Variants in SETBP1 observed in about 807,000 individuals in gnomAD.
SETBP1 encodes the protein SET binding protein 1, also known as SET-binding protein.
A neutral mutation model predicts 101.0 loss-of-function variants in SETBP1; 9 were observed. The observed-to-expected ratio is 0.09, with a 90% CI of 0.05 to 0.16. The LOEUF is 0.16. SETBP1 is among the 10% of genes least tolerant of loss of function. The pLI is 1.00. For synonymous variants in SETBP1, 818 were observed against 788.5 expected, an observed-to-expected ratio of 1.04 and a Z score of -0.63; for missense variants, 1,858 against 2,033.8, an observed-to-expected ratio of 0.91 and a Z score of 1.66.
At chr18:44,868,427 G>T (rs576467554) in intron 2 of SETBP1, among the ~76,000 whole-genome samples, 141 of 152,158 alleles carry the variant, frequency 9.3e-4, no homozygotes, top group Non-Finnish European at 1.6e-3. Flanking sequence ...GGGTGCAGTG[G>T]CTCACACCTG....
At chr18:44,687,238 TA>T (rs1040567202) in intron 1 of SETBP1, among the ~76,000 whole-genome samples, 12 of 152,304 alleles carry the variant, frequency 7.9e-5, no homozygotes, top group African/African-American at 2.6e-4. Flanking sequence ...TGTTGTACAG[TA>T]AAAAAGTTTG....
rs867674388 is a variant in SETBP1 at position 44,750,125 on chromosome 18, G to A, written c.486+48293G>A. 3.9e-5 allele frequency among the ~76,000 whole-genome samples: 6 copies of A among 152,206 alleles called. 1 individual carries two copies. The Middle Eastern group carries it at 0.02, about 518-fold the overall frequency. On this transcript the variant is annotated intron_variant, in intron 2 of 5. Coordinates refer to ENST00000649279, the MANE Select transcript of SETBP1 (RefSeq NM_015559.3). ...CTTCGGAGAAACTGGTTTATTGATA[G>A]GAGAAGTAAAATACTGGTGTATTAG... is the stretch of plus-strand genomic sequence containing the variant.
rs2069212866 is a variant in SETBP1, at chr18:44,869,238, A to C, written c.495A>C (p.Thr165=). The change falls in exon 3 of 6, where the codon ACA becomes ACC. Residue 165 remains threonine, a synonymous_variant. Transcript: ENST00000649279. ...ERSHSKKKLL[T]ASDLAASDLK... The stretch of plus-strand genomic sequence containing the variant: ...TCTTTATTCTTTTGCAGCTCCTCAC[A>C]GCCAGTGACCTTGCAGCCAGTGACC... 10 of 1,613,972 alleles carry C rather than the reference A, an allele frequency of 6.2e-6. No homozygotes were observed. The highest frequency in any genetic ancestry group is 5.9e-6 in the Non-Finnish European group (7 of 1,179,920).
intron 4 of SETBP1, among the ~76,000 whole-genome samples, chr18:45,024,626 G>A (rs185439212): frequency 9.2e-4 from 140 of 152,180 alleles, no homozygotes; most frequent in African/African-American, 3.1e-3. Context: ...ATCTTAACTC[G>A]TCAGTCTTGC....
At chr18:44,793,075 T>A (rs1045984907) in intron 2 of SETBP1, among the ~76,000 whole-genome samples, 3 of 152,084 alleles carry the variant, frequency 2.0e-5, no homozygotes, top group Non-Finnish European at 4.4e-5. Context: ...AATCATGGGA[T>A]AAGAGAAAAA....
At chr18:44,935,348 G>T (rs2070935228) in intron 3 of SETBP1, among the ~76,000 whole-genome samples, 1 of 152,268 alleles carries the variant, frequency 6.6e-6, no homozygotes, top group Non-Finnish European at 1.5e-5. Context: ...AGGAAAAAAG[G>T]GAAACATGCG....
At position 44,884,199 on chromosome 18, in the gene SETBP1, G is replaced by A. The variant is rs2069591098; in HGVS notation, c.540+14916G>A. On this transcript the variant is annotated intron_variant, in intron 3 of 5. Transcript: ENST00000649279. ...AGGCTGAATCACAGCTTCAACACTG[G>A]CTATCTCAATGACCTTGTTCAAGGT... 3.3e-5 allele frequency among the ~76,000 whole-genome samples: 5 copies of A among 152,246 alleles called. No homozygotes were observed. In the South Asian group the frequency reaches 8.3e-4, roughly 25 times the overall value.
intron 5 of SETBP1, among the ~76,000 whole-genome samples, chr18:45,040,743 TATACTTTC>T (rs1326893803): frequency 1.1e-4 from 16 of 152,216 alleles, no homozygotes; most frequent in Admixed American, 1.0e-3. Context: ...CAGGTGATAT[TATACTTTC>T]ATACTTGCCT....
chr18:45,004,866 A>G (rs2072692139), intron 4 of SETBP1, among the ~76,000 whole-genome samples: 1 of 152,212 alleles, frequency 6.6e-6, no homozygotes, highest in Non-Finnish European at 1.5e-5. Flanking sequence ...TTCACTCCCA[A>G]TGTCATTTTT....
chr18:44,794,211 A>T (rs754120339), intron 2 of SETBP1, among the ~76,000 whole-genome samples: 1 of 152,222 alleles, frequency 6.6e-6, no homozygotes, highest in African/African-American at 2.4e-5. Context: ...AATAGCTAAG[A>T]TTGCAGCCAT....
chr18:44,682,180 T>C (rs924114554), intron 1 of SETBP1, among the ~76,000 whole-genome samples: 1 of 152,212 alleles, frequency 6.6e-6, no homozygotes, highest in Non-Finnish European at 1.5e-5. Flanking sequence ...TCTCTTACCC[T>C]CCTTTAGTAA....
intron 2 of SETBP1, among the ~76,000 whole-genome samples, chr18:44,739,825 G>T (rs564053185): frequency 5.3e-5 from 8 of 152,342 alleles, no homozygotes; most frequent in Non-Finnish European, 1.2e-4. Context: ...AGTGATTATG[G>T]TTACTGTGTG....
intron 5 of SETBP1, among the ~76,000 whole-genome samples, chr18:45,053,888 C>T (rs2073764165): frequency 6.6e-6 from 1 of 152,060 alleles, no homozygotes; most frequent in South Asian, 2.1e-4. Context: ...AGTGATACCA[C>T]ATTTGAGAGG....
At chr18:44,919,569 C>T (rs1348422679) in intron 3 of SETBP1, among the ~76,000 whole-genome samples, 1 of 151,884 alleles carries the variant, frequency 6.6e-6, no homozygotes, top group African/African-American at 2.4e-5. Flanking sequence ...AGGATGATCT[C>T]GACCTCTTGA....
intron 3 of SETBP1, among the ~76,000 whole-genome samples, chr18:44,947,688 T>G (rs2071241066): frequency 1.3e-5 from 2 of 152,068 alleles, no homozygotes; most frequent in African/African-American, 2.4e-5. Context: ...GTATTTTTAG[T>G]AGGGATGAGG....
At chr18:44,868,875 G>A (rs913196852) in intron 2 of SETBP1, among the ~76,000 whole-genome samples, 9 of 152,160 alleles carry the variant, frequency 5.9e-5, no homozygotes, top group Admixed American at 6.5e-5. Context: ...TCTCTCTAAG[G>A]AAATATATAC....
chr18:44,878,002 G>A (rs915717387), intron 3 of SETBP1, among the ~76,000 whole-genome samples: 14 of 152,218 alleles, frequency 9.2e-5, no homozygotes, highest in Non-Finnish European at 1.5e-4. Context: ...AGAAGGTCAC[G>A]TGTGAGAAAA....
At chr18:44,859,101 G>C (rs1278313671) in intron 2 of SETBP1, among the ~76,000 whole-genome samples, 2 of 151,746 alleles carry the variant, frequency 1.3e-5, no homozygotes, top group African/African-American at 4.8e-5. Flanking sequence ...AGGGACAGAG[G>C]GTAAACTTGT....
At chr18:44,885,128 G>A (rs539777808) in intron 3 of SETBP1, among the ~76,000 whole-genome samples, 1 of 152,188 alleles carries the variant, frequency 6.6e-6, no homozygotes, top group South Asian at 2.1e-4. Flanking sequence ...ATATCAGAAT[G>A]GCGTCTAGAC....
Sources: allele counts gnomAD v4.1 joint callset (sites outside exome capture counted in the v4.1 genomes callset), GRCh38; gene constraint gnomAD v4.1.1; transcripts MANE v1.5; gene names NCBI Gene and HGNC (gene_info 2026-07-23, HGNC 2026-07-21).